The following FGD4 variants were observed in gnomAD, a reference collection of about 807,000 sequenced individuals.
FGD4 encodes the protein FYVE, RhoGEF and PH domain-containing protein 4.
Under a neutral mutation model 102.0 loss-of-function variants are expected in FGD4, and 42 were observed. That is an observed-to-expected ratio of 0.41 (90% CI 0.32 to 0.53). The LOEUF (loss-of-function observed/expected upper bound fraction) is 0.53, where lower values mean the gene tolerates loss of function less well. FGD4 is among the 20% of genes least tolerant of loss of function. The pLI is 0.21. For synonymous variants in FGD4, 380 were observed against 375.7 expected (o/e 1.01, Z -0.13); for missense variants, 902 against 1,078.2 (o/e 0.84, Z 2.29).
chr12:32,415,834 TC>T lies in FGD4; in HGVS notation c.166+15876del, dbSNP rs1216737417. ...TATATGTGTTTTCTTACAGTTTTTC[TC>T]TTGAAACCTATTTCATCTGATATAA... On this transcript the variant is annotated intron_variant, in intron 1 of 16. Coordinates refer to ENST00000534526, the MANE Select transcript of FGD4 (RefSeq NM_001370298.3). 3.9e-5 allele frequency among the ~76,000 whole-genome samples: 6 copies of T among 152,264 alleles called. No individual in the cohort carries two copies. In the East Asian group the frequency reaches 1.2e-3, roughly 29 times the overall value.
At chr12:32,427,759 A>G (rs562155303) in intron 1 of FGD4, among the ~76,000 whole-genome samples, 2 of 152,336 alleles carry the variant, frequency 1.3e-5, no homozygotes, top group African/African-American at 2.4e-5. Context: ...TATTGGGTGC[A>G]TATATATTTA....
intron 1 of FGD4, among the ~76,000 whole-genome samples, chr12:32,433,374 A>G (rs1942118299): frequency 6.7e-6 from 1 of 149,614 alleles, no homozygotes; most frequent in African/African-American, 2.5e-5. Flanking sequence ...TTTGAGTCGG[A>G]GTCTTGCTCT....
rs150857611 is a variant in FGD4 at position 32,491,511 on chromosome 12, A to G, written c.167-72626A>G. The stretch of plus-strand genomic sequence containing the variant: ...GAAAGTCCCTTCCCTTGAAACACCT[A>G]ATACTTGTTTTTAACCTTTTTTCGT... On this transcript the variant is annotated intron_variant, in intron 1 of 16. Coordinates refer to ENST00000534526, the MANE Select transcript of FGD4 (RefSeq NM_001370298.3). 3.3e-5 allele frequency among the ~76,000 whole-genome samples: 5 copies of G among 152,266 alleles called. No individual in the cohort carries two copies. The East Asian group carries it at 9.6e-4, about 29-fold the overall frequency.
Position 32,614,164 on chromosome 12 carries a change from A to G in FGD4, c.1749+2881A>G, listed in dbSNP as rs1434356848. Among the ~76,000 whole-genome samples the G allele has an allele frequency of 2.0e-5, 3 of 152,226 alleles. No individual in the cohort carries two copies. The East Asian group carries it at 5.8e-4, about 29-fold the overall frequency. ...CTTGCACAAGTCTGACCGAAAAATTAAAGTTAAGCAACTTTCCACTCAATG... is the reference window on the plus strand; with the variant it reads ...CTTGCACAAGTCTGACCGAAAAATTGAAGTTAAGCAACTTTCCACTCAATG... On this transcript the variant is annotated intron_variant, in intron 10 of 16. Transcript: ENST00000534526.
At chr12:32,503,237 T>C (rs1173049089) in intron 1 of FGD4, among the ~76,000 whole-genome samples, 2 of 152,316 alleles carry the variant, frequency 1.3e-5, no homozygotes, top group East Asian at 1.9e-4. Flanking sequence ...ATTGAAACCA[T>C]AGGGCCAGTG....
chr12:32,586,067 A>G (rs1947007425), intron 4 of FGD4, among the ~76,000 whole-genome samples: 1 of 152,140 alleles, frequency 6.6e-6, no homozygotes, highest in African/African-American at 2.4e-5. Flanking sequence ...TTCTGACTGC[A>G]TAATCAGAGG....
intron 1 of FGD4, among the ~76,000 whole-genome samples, chr12:32,446,035 C>G (rs1287320771): frequency 2.0e-5 from 3 of 152,068 alleles, no homozygotes; most frequent in Non-Finnish European, 4.4e-5. Flanking sequence ...GGTGTGTAGT[C>G]CCAGCTACTC....
Position 32,433,285 on chromosome 12 carries a change from A to G in FGD4, c.166+33326A>G, listed in dbSNP as rs138962812. Among the ~76,000 whole-genome samples the G allele has an allele frequency of 1.3e-3, 204 of 151,982 alleles. 1 individual carries two copies. Among genetic ancestry groups the G allele is most frequent in the African/African-American group, 4.6e-3 (190 of 41,462 alleles). The stretch of plus-strand genomic sequence containing the variant: ...GTGCTGGGATTGAGCCACCATGCCC[A>G]GCCTGGAATAAGATACTTTAACATA... On this transcript the variant is annotated intron_variant, in intron 1 of 16. Transcript: ENST00000534526.
At chr12:32,520,590 C>T (rs1454456120) in intron 1 of FGD4, among the ~76,000 whole-genome samples, 1 of 151,986 alleles carries the variant, frequency 6.6e-6, no homozygotes, top group African/African-American at 2.4e-5. Context: ...TGCCCACCAC[C>T]ACGCCTGGCT....
chr12:32,539,984 T>C (rs894053408), intron 1 of FGD4, among the ~76,000 whole-genome samples: 2 of 152,132 alleles, frequency 1.3e-5, no homozygotes, highest in African/African-American at 4.8e-5. Flanking sequence ...CCCAGTAAAT[T>C]TTTTTTAAAT....
At chr12:32,446,345 C>A (rs1200126836) in intron 1 of FGD4, among the ~76,000 whole-genome samples, 1 of 152,036 alleles carries the variant, frequency 6.6e-6, no homozygotes, top group African/African-American at 2.4e-5. Context: ...CACCCTCACC[C>A]CCTCAACATT....
chr12:32,473,091 T>C (rs1943465360), intron 1 of FGD4, among the ~76,000 whole-genome samples: 1 of 151,652 alleles, frequency 6.6e-6, no homozygotes, highest in Non-Finnish European at 1.5e-5. Context: ...ACTAATCTGT[T>C]GGGGACGTGG....
chr12:32,592,147 A>G (rs1412439243), intron 4 of FGD4, among the ~76,000 whole-genome samples: 1 of 151,574 alleles, frequency 6.6e-6, no homozygotes, highest in Non-Finnish European at 1.5e-5. Context: ...CAATGGTGTG[A>G]TCTCGGCTCA....
intron 1 of FGD4, among the ~76,000 whole-genome samples, chr12:32,526,981 T>A (rs993487007): frequency 6.6e-6 from 1 of 152,118 alleles, no homozygotes; most frequent in Non-Finnish European, 1.5e-5. Context: ...CAGCTAACAG[T>A]AAAGATTTTA....
chr12:32,576,723 C>T (rs1246298281), intron 3 of FGD4, among the ~76,000 whole-genome samples: 1 of 152,106 alleles, frequency 6.6e-6, no homozygotes, highest in Non-Finnish European at 1.5e-5. Flanking sequence ...TCTCTCGTTT[C>T]CTCTGTATCT....
intron 1 of FGD4, among the ~76,000 whole-genome samples, chr12:32,510,863 G>T (rs1278423771): frequency 6.6e-6 from 1 of 152,204 alleles, no homozygotes; most frequent in Non-Finnish European, 1.5e-5. Context: ...TGGGAATATA[G>T]AATTTACTTT....
intron 7 of FGD4, 41 bp downstream of exon 7, chr12:32,602,358 C>G (rs1463386825): frequency 1.2e-6 from 2 of 1,610,122 alleles, no homozygotes; most frequent in Admixed American, 1.7e-5. Context: ...ATTACTATTT[C>G]CATACAAATT....
At chr12:32,582,631 T>C in intron 4 of FGD4, 164 bp downstream of exon 4, 1 of 811,218 alleles carries the variant, frequency 1.2e-6, no homozygotes, top group South Asian at 1.7e-5. Context: ...TCCCCTATGC[T>C]CTAAGCAGAT....
intron 1 of FGD4, among the ~76,000 whole-genome samples, chr12:32,448,169 G>A (rs1468552056): frequency 1.3e-5 from 2 of 152,200 alleles, no homozygotes; most frequent in Non-Finnish European, 2.9e-5. Flanking sequence ...TGATTCATAA[G>A]ATGAGCTTGA....
Sources: gnomAD v4.1 joint callset for allele counts (sites outside exome capture counted in the v4.1 genomes callset) on GRCh38, gnomAD v4.1.1 for gene constraint, MANE v1.5 for transcripts, NCBI Gene and HGNC (gene_info 2026-07-23, HGNC 2026-07-21) for gene names.